RNF180: variants seen among roughly 807,000 people sequenced by gnomAD.
RNF180 encodes the protein ring finger protein 180.
In RNF180, 38 loss-of-function variants were observed where a neutral mutation model predicts 59.2. The observed-to-expected ratio is 0.64, with a 90% CI of 0.50 to 0.84. The LOEUF is 0.84. Among genes scored for constraint, RNF180 ranks in the 40% least tolerant of loss-of-function variants. RNF180 has a pLI of 0.00. For missense variants in RNF180, 705 were observed against 700.9 expected (o/e 1.01, Z -0.07); for synonymous variants, 262 against 240.3 (o/e 1.09, Z -0.84).
intron 5 of RNF180, among the ~76,000 whole-genome samples, chr5:64,290,477 G>A (rs1742520321): frequency 6.6e-6 from 1 of 152,162 alleles, no homozygotes; most frequent in African/African-American, 2.4e-5. Flanking sequence ...TCAGTGAGGT[G>A]TTAAAGTCAC....
chr5:64,175,204 T>C (rs1011611901), intron 1 of RNF180, among the ~76,000 whole-genome samples: 8 of 152,084 alleles, frequency 5.3e-5, no homozygotes, highest in African/African-American at 1.9e-4. Context: ...CAACTTCGGG[T>C]GATATGCCCG....
chr5:64,340,284 T>C (rs1425072537), intron 7 of RNF180, among the ~76,000 whole-genome samples: 2 of 152,178 alleles, frequency 1.3e-5, no homozygotes, highest in African/African-American at 2.4e-5. Context: ...AATTAAAAAT[T>C]CCATGTTTTA....
intron 1 of RNF180, among the ~76,000 whole-genome samples, chr5:64,176,384 T>C (rs1442099965): frequency 2.0e-5 from 3 of 152,176 alleles, no homozygotes; most frequent in African/African-American, 7.2e-5. Context: ...TAATTTTGTT[T>C]ATCTTTCCAG....
chr5:64,314,965 G>C (rs1743963487), intron 5 of RNF180, among the ~76,000 whole-genome samples: 1 of 152,184 alleles, frequency 6.6e-6, no homozygotes, highest in South Asian at 2.1e-4. Flanking sequence ...ATGTAGTCTT[G>C]ACACCTGATA....
At chr5:64,287,991 A>C (rs977312339) in intron 5 of RNF180, among the ~76,000 whole-genome samples, 1 of 152,110 alleles carries the variant, frequency 6.6e-6, no homozygotes, top group African/African-American at 2.4e-5. Context: ...CTATGTCCTG[A>C]ATGGTATTGC....
At chr5:64,341,325 T>C (rs1358100437) in intron 7 of RNF180, among the ~76,000 whole-genome samples, 2 of 152,126 alleles carry the variant, frequency 1.3e-5, no homozygotes, top group Non-Finnish European at 2.9e-5. Context: ...TTCAAAGATA[T>C]AATAAGATGA....
chr5:64,328,781 T>C (rs1744765929), intron 6 of RNF180, among the ~76,000 whole-genome samples: 1 of 152,176 alleles, frequency 6.6e-6, no homozygotes, highest in Admixed American at 6.5e-5. Flanking sequence ...ATTGAGAAAA[T>C]TTAATTCAAA....
intron 5 of RNF180, among the ~76,000 whole-genome samples, chr5:64,224,389 G>T (rs1741544065): frequency 6.6e-6 from 1 of 152,004 alleles, no homozygotes; most frequent in Non-Finnish European, 1.5e-5. Flanking sequence ...CAGTAAAATG[G>T]TATAAATATT....
intron 4 of RNF180, 47 bp from the exon 5 acceptor site, chr5:64,217,314 C>G (rs1194875118): frequency 6.7e-6 from 9 of 1,350,646 alleles, no homozygotes; most frequent in Non-Finnish European, 8.6e-6. Flanking sequence ...CTTTTACAGA[C>G]ATTCATGTGC....
chr5:64,286,985 G>T (rs907766211), intron 5 of RNF180, among the ~76,000 whole-genome samples: 32 of 152,296 alleles, frequency 2.1e-4, no homozygotes, highest in Admixed American at 1.8e-3. Context: ...ATTTATTTAT[G>T]AAATGAAGTC....
chr5:64,220,869 A>G lies in RNF180; in HGVS notation c.1227+3473A>G, dbSNP rs140205708. ...ATAAATCACTGAGTCATCTACAGTAATTCTATTACATTATTTTCAGTGAGC... is the reference window on the plus strand; with the variant it reads ...ATAAATCACTGAGTCATCTACAGTAGTTCTATTACATTATTTTCAGTGAGC... On this transcript the variant is annotated intron_variant, in intron 5 of 7. Transcript: ENST00000389100. 5.1e-3 allele frequency among the ~76,000 whole-genome samples: 776 copies of G among 152,186 alleles called. 7 individuals are homozygous for G. Among genetic ancestry groups the G allele is most frequent in the African/African-American group, 0.018 (743 of 41,566 alleles).
At chr5:64,234,873 A>T (rs1386527776) in intron 5 of RNF180, among the ~76,000 whole-genome samples, 2 of 152,060 alleles carry the variant, frequency 1.3e-5, no homozygotes, top group Non-Finnish European at 2.9e-5. Context: ...CGCTGGGATT[A>T]CAGGCGTGAG....
At chr5:64,310,553 A>C (rs1743714759) in intron 5 of RNF180, among the ~76,000 whole-genome samples, 1 of 151,720 alleles carries the variant, frequency 6.6e-6, no homozygotes, top group African/African-American at 2.4e-5. Flanking sequence ...CTGATATAAC[A>C]GTTTTTGTAG....
intron 5 of RNF180, among the ~76,000 whole-genome samples, chr5:64,249,518 T>C (rs1219163749): frequency 6.6e-6 from 1 of 151,642 alleles, no homozygotes; most frequent in Non-Finnish European, 1.5e-5. Flanking sequence ...CAGAATCTAA[T>C]GGAATTACCA....
intron 5 of RNF180, among the ~76,000 whole-genome samples, chr5:64,321,343 A>T (rs552434376): frequency 6.6e-6 from 1 of 152,142 alleles, no homozygotes; most frequent in Non-Finnish European, 1.5e-5. Context: ...TACAAAATCA[A>T]TGTGCAAAAA....
chr5:64,213,744 C>T lies in RNF180; in HGVS notation c.418C>T (p.His140Tyr). The change falls in exon 4 of 8, where the codon CAT becomes TAT. Residue 140 changes from histidine (H) to tyrosine (Y), a missense_variant. Physicochemically the swap from His to Tyr is moderately conservative, Grantham distance 83. Coordinates refer to ENST00000389100, the MANE Select transcript of RNF180 (RefSeq NM_001113561.2). ...LMRPSVKYLS[H>Y]PRVQSGCDKE... ...GAGACCATCAGTGAAATACTTGTCA[C>T]ATCCTAGAGTTCAGTCAGGTTGTGA... 1.2e-6 allele frequency: 2 copies of T among 1,614,166 alleles called. No individual in the cohort carries two copies. Among genetic ancestry groups the T allele is most frequent in the Non-Finnish European group, 1.7e-6 (2 of 1,180,022 alleles).
chr5:64,298,425 A>T (rs1316256860), intron 5 of RNF180, among the ~76,000 whole-genome samples: 1 of 151,914 alleles, frequency 6.6e-6, no homozygotes, highest in East Asian at 1.9e-4. Context: ...TATATATGGT[A>T]AGGGGTCCAG....
chr5:64,224,062 G>GGTGTGTGTGT (rs10694125), intron 5 of RNF180, among the ~76,000 whole-genome samples: 50 of 141,462 alleles, frequency 3.5e-4, no homozygotes, highest in African/African-American at 6.3e-4. Context: ...TCTAGGTTGG[G>GGTGTGTGTGT]GTGTGTGTGT....
intron 5 of RNF180, among the ~76,000 whole-genome samples, chr5:64,234,891 G>A (rs776841326): frequency 3.9e-5 from 6 of 151,948 alleles, no homozygotes; most frequent in African/African-American, 7.2e-5. Flanking sequence ...GAGCCACTGC[G>A]CCCAGCTACC....
Sources: allele counts gnomAD v4.1 joint callset (sites outside exome capture counted in the v4.1 genomes callset), GRCh38; gene constraint gnomAD v4.1.1; transcripts MANE v1.5; gene names NCBI Gene and HGNC (gene_info 2026-07-23, HGNC 2026-07-21).